Variants in TMEM232 observed in about 807,000 individuals in gnomAD.
TMEM232 encodes transmembrane protein 232.
A neutral mutation model predicts 78.8 loss-of-function variants in TMEM232; 80 were observed. That is an observed-to-expected ratio of 1.01 (90% confidence interval 0.85 to 1.22). The LOEUF (loss-of-function observed/expected upper bound fraction) is 1.22. Ranked by LOEUF, TMEM232 falls within the 50% of genes most tolerant of loss-of-function variation. TMEM232 has a pLI of 0.00. For synonymous variants in TMEM232, 297 were observed against 254.3 expected (o/e 1.17, Z -1.60); for missense variants, 881 against 742.2 (o/e 1.19, Z -2.17).
At chr5:110,558,064 A>G (rs891253357) in intron 11 of TMEM232, among the ~76,000 whole-genome samples, 2 of 152,180 alleles carry the variant, frequency 1.3e-5, no homozygotes, top group Admixed American at 1.3e-4. Flanking sequence ...TAGCCAAAGT[A>G]CAGATCAGCA....
intron 1 of TMEM232, among the ~76,000 whole-genome samples, chr5:110,724,172 C>T (rs540852396): frequency 3.3e-4 from 51 of 152,260 alleles, no homozygotes; most frequent in African/African-American, 1.2e-3. Flanking sequence ...TTATTGTTTG[C>T]AAAGTACTTT....
intron 12 of TMEM232, among the ~76,000 whole-genome samples, chr5:110,457,766 G>A (rs1761056195): frequency 6.6e-6 from 1 of 151,994 alleles, no homozygotes; most frequent in East Asian, 1.9e-4. Context: ...AAGAATGTAG[G>A]TGCTATAAGA....
intron 11 of TMEM232, among the ~76,000 whole-genome samples, chr5:110,562,664 T>C (rs952306912): frequency 6.6e-6 from 1 of 152,088 alleles, no homozygotes; most frequent in African/African-American, 2.4e-5. Flanking sequence ...ATAAAGCTTA[T>C]GTGTAAAGGT....
At chr5:110,652,169 G>C (rs1788402782) in intron 2 of TMEM232, among the ~76,000 whole-genome samples, 1 of 152,086 alleles carries the variant, frequency 6.6e-6, no homozygotes, top group Non-Finnish European at 1.5e-5. Flanking sequence ...AGATCCCTAA[G>C]AATGATTTAT....
intron 2 of TMEM232, among the ~76,000 whole-genome samples, chr5:110,646,878 C>T (rs368612178): frequency 1.3e-5 from 2 of 151,148 alleles, no homozygotes; most frequent in Admixed American, 1.3e-4. Context: ...TACAGAGGAC[C>T]TGAATCGATA....
At chr5:110,455,939 A>G (rs1760850985) in intron 12 of TMEM232, among the ~76,000 whole-genome samples, 1 of 152,246 alleles carries the variant, frequency 6.6e-6, no homozygotes. Flanking sequence ...GAAGAATAGA[A>G]GAAAACTTCC....
At chr5:110,450,753 G>C (rs1760184313) in intron 12 of TMEM232, among the ~76,000 whole-genome samples, 1 of 152,156 alleles carries the variant, frequency 6.6e-6, no homozygotes, top group African/African-American at 2.4e-5. Context: ...TCTTGGGGCA[G>C]AGATTGCAAT....
At chr5:110,476,675 C>G (rs1046811573) in intron 12 of TMEM232, among the ~76,000 whole-genome samples, 3 of 151,982 alleles carry the variant, frequency 2.0e-5, no homozygotes, top group African/African-American at 7.2e-5. Flanking sequence ...TATGAATAAT[C>G]ATGGTAATGA....
intron 5 of TMEM232, among the ~76,000 whole-genome samples, chr5:110,637,355 C>T (rs1019796578): frequency 1.3e-5 from 2 of 151,524 alleles, no homozygotes; most frequent in Non-Finnish European, 2.9e-5. Flanking sequence ...TGCTTGGTCT[C>T]CACAAGTCTT....
At chr5:110,669,120 A>T (rs2150137066) in intron 1 of TMEM232, among the ~76,000 whole-genome samples, 1 of 152,316 alleles carries the variant, frequency 6.6e-6, no homozygotes, top group Non-Finnish European at 1.5e-5. Context: ...GCAAGAAATA[A>T]CTAAGAGCAG....
intron 11 of TMEM232, among the ~76,000 whole-genome samples, chr5:110,550,640 T>C (rs1774338764): frequency 6.6e-6 from 1 of 151,980 alleles, no homozygotes; most frequent in South Asian, 2.1e-4. Flanking sequence ...AAAATAGATA[T>C]ATCAAACAGC....
chr5:110,600,198 C>T (rs1407967990), intron 10 of TMEM232, among the ~76,000 whole-genome samples: 2 of 152,176 alleles, frequency 1.3e-5, no homozygotes, highest in African/African-American at 4.8e-5. Context: ...TAAATGCCCA[C>T]ATCAGAAAGC....
intron 2 of TMEM232, among the ~76,000 whole-genome samples, chr5:110,405,393 T>C (rs1755749617): frequency 6.6e-6 from 1 of 151,930 alleles, no homozygotes; most frequent in Non-Finnish European, 1.5e-5. Context: ...TTAGAAGATA[T>C]GTGATGAAGC....
intron 12 of TMEM232, among the ~76,000 whole-genome samples, chr5:110,507,890 G>C (rs1439184194): frequency 2.6e-5 from 4 of 152,094 alleles, no homozygotes; most frequent in Non-Finnish European, 4.4e-5. Flanking sequence ...AATCCAGCAA[G>C]AAAAGAGGCA....
At chr5:110,623,391 T>C (rs185494471) in intron 7 of TMEM232, among the ~76,000 whole-genome samples, 24 of 152,328 alleles carry the variant, frequency 1.6e-4, no homozygotes, top group African/African-American at 4.3e-4. Context: ...TATAGTGCTA[T>C]GGACCTTTTA....
chr5:110,724,141 T>C (rs1797930039), intron 1 of TMEM232, among the ~76,000 whole-genome samples: 1 of 152,208 alleles, frequency 6.6e-6, no homozygotes, highest in South Asian at 2.1e-4. Context: ...GATGTAATAA[T>C]AATAACTCTT....
chr5:110,478,055 T>C (rs1347866704), intron 12 of TMEM232, among the ~76,000 whole-genome samples: 1 of 151,926 alleles, frequency 6.6e-6, no homozygotes, highest in African/African-American at 2.4e-5. Context: ...AGCATTACCA[T>C]GTGACATGTC....
At chr5:110,578,266 T>A (rs2149716345) in intron 10 of TMEM232, among the ~76,000 whole-genome samples, 1 of 151,996 alleles carries the variant, frequency 6.6e-6, no homozygotes, top group Middle Eastern at 3.4e-3. Flanking sequence ...ATAATAATTA[T>A]AAGTAGATAA....
intron 12 of TMEM232, 136 bp downstream of exon 12, chr5:110,528,452 T>G (rs1319263261): frequency 4.7e-5 from 36 of 770,354 alleles, no homozygotes; most frequent in Non-Finnish European, 6.3e-5. Context: ...ATAGATCATC[T>G]AAGAGGTGAT....
Sources: gnomAD v4.1 joint callset for allele counts (sites outside exome capture counted in the v4.1 genomes callset) on GRCh38, gnomAD v4.1.1 for gene constraint, MANE v1.5 for transcripts, NCBI Gene and HGNC (gene_info 2026-07-23, HGNC 2026-07-21) for gene names.